DPP10: variants seen among roughly 807,000 people sequenced by gnomAD.
The protein encoded by DPP10 is dipeptidyl peptidase like 10.
DPP10 carries 33 observed loss-of-function variants against 120.9 expected under a neutral mutation model. The ratio of observed to expected loss-of-function variants is 0.27; its 90% CI spans 0.21 to 0.37. The LOEUF (loss-of-function observed/expected upper bound fraction) is 0.37, where lower values mean the gene tolerates loss of function less well. Ranked by LOEUF, DPP10 falls within the 10% of genes least tolerant of loss-of-function variation. DPP10 has a pLI of 1.00. For missense variants in DPP10, 816 were observed against 942.8 expected (o/e 0.87, Z 1.76); for synonymous variants, 337 against 326.1 (o/e 1.03, Z -0.36).
chr2:115,147,223 A>G (rs1490904480), intron 1 of DPP10, among the ~76,000 whole-genome samples: 2 of 151,628 alleles, frequency 1.3e-5, no homozygotes, highest in Non-Finnish European at 2.9e-5. Context: ...ATAGTATACC[A>G]TAATATACTA....
intron 1 of DPP10, among the ~76,000 whole-genome samples, chr2:115,094,540 A>G (rs4849379): frequency 0.54 from 81,342 of 151,972 alleles, 22,007 homozygotes; most frequent in Non-Finnish European, 0.58. Flanking sequence ...TGCAAATACA[A>G]TAAGAAGATT....
At chr2:115,264,546 A>G (rs765966258) in intron 1 of DPP10, among the ~76,000 whole-genome samples, 40 of 152,200 alleles carry the variant, frequency 2.6e-4, no homozygotes, top group Non-Finnish European at 4.3e-4. Flanking sequence ...GAAGAGGAGC[A>G]TTATAGAGGC....
intron 1 of DPP10, among the ~76,000 whole-genome samples, chr2:114,756,752 G>C (rs1679786686): frequency 6.6e-6 from 1 of 150,852 alleles, no homozygotes; most frequent in South Asian, 2.1e-4. Context: ...ATTCAATATG[G>C]CAAGACCACA....
intron 5 of DPP10, among the ~76,000 whole-genome samples, chr2:115,548,031 A>G (rs892112814): frequency 3.9e-5 from 6 of 152,200 alleles, no homozygotes; most frequent in African/African-American, 1.4e-4. Context: ...TTGATTAGCT[A>G]GAAGAAAACT....
chr2:115,774,540 T>C (rs1681868018), intron 13 of DPP10, among the ~76,000 whole-genome samples: 1 of 152,150 alleles, frequency 6.6e-6, no homozygotes, highest in African/African-American at 2.4e-5. Context: ...CTTTGGGTTA[T>C]GCAGTTCTCA....
At chr2:114,785,785 T>C (rs1411794378) in intron 1 of DPP10, among the ~76,000 whole-genome samples, 1 of 152,194 alleles carries the variant, frequency 6.6e-6, no homozygotes, top group Non-Finnish European at 1.5e-5. Context: ...TTTATTGTAT[T>C]TTATTAATTA....
At chr2:115,005,327 A>G (rs1456566400) in intron 1 of DPP10, among the ~76,000 whole-genome samples, 2 of 152,206 alleles carry the variant, frequency 1.3e-5, no homozygotes, top group African/African-American at 2.4e-5. Flanking sequence ...CCTCCAAAGG[A>G]ACGCAGCTCC....
chr2:114,886,407 G>A (rs527901180), intron 1 of DPP10, among the ~76,000 whole-genome samples: 1 of 152,112 alleles, frequency 6.6e-6, no homozygotes, highest in East Asian at 1.9e-4. Context: ...ATCTCATGTT[G>A]CCATTGAACA....
chr2:115,659,559 G>A (rs1489278736), intron 5 of DPP10, among the ~76,000 whole-genome samples: 2 of 152,120 alleles, frequency 1.3e-5, no homozygotes, highest in Non-Finnish European at 2.9e-5. Flanking sequence ...TTTTGATTTA[G>A]CCACAAATCA....
intron 1 of DPP10, among the ~76,000 whole-genome samples, chr2:114,452,196 G>A (rs1449907283): frequency 6.6e-6 from 1 of 152,070 alleles, no homozygotes; most frequent in Non-Finnish European, 1.5e-5. Flanking sequence ...AGTAATACAT[G>A]AATGGCTTCT....
chr2:115,024,852 T>TATA (rs1349653761), intron 1 of DPP10, among the ~76,000 whole-genome samples: 2 of 148,374 alleles, frequency 1.3e-5, no homozygotes, highest in African/African-American at 4.9e-5. Flanking sequence ...TGTGTATCTA[T>TATA]ATATATATAT....
chr2:115,686,062 A>G (rs2090970994), intron 5 of DPP10, among the ~76,000 whole-genome samples: 1 of 152,066 alleles, frequency 6.6e-6, no homozygotes, highest in Non-Finnish European at 1.5e-5. Flanking sequence ...GCTAAGGTTG[A>G]ACGAGGTGAC....
intron 1 of DPP10, among the ~76,000 whole-genome samples, chr2:115,180,613 CTG>C (rs2054007629): frequency 1.3e-5 from 2 of 152,314 alleles, no homozygotes; most frequent in South Asian, 4.1e-4. Flanking sequence ...ACCAAGCTCT[CTG>C]TTTCACCAGC....
At chr2:114,808,322 TTC>T (rs1684906098) in intron 1 of DPP10, among the ~76,000 whole-genome samples, 1 of 152,226 alleles carries the variant, frequency 6.6e-6, no homozygotes. Context: ...TGAACAATAC[TTC>T]TGTAAACATT....
At chr2:115,465,150 T>A (rs1421221249) in intron 3 of DPP10, among the ~76,000 whole-genome samples, 3 of 152,190 alleles carry the variant, frequency 2.0e-5, no homozygotes, top group Admixed American at 6.5e-5. Context: ...ATATTTTTCC[T>A]ATTACTTATA....
intron 1 of DPP10, among the ~76,000 whole-genome samples, chr2:114,516,617 G>A (rs1684614835): frequency 6.6e-6 from 1 of 152,334 alleles, no homozygotes; most frequent in African/African-American, 2.4e-5. Flanking sequence ...TTTACTTAAT[G>A]TAGTATTGAG....
At chr2:115,655,597 G>A (rs113833270) in intron 5 of DPP10, among the ~76,000 whole-genome samples, 3 of 151,150 alleles carry the variant, frequency 2.0e-5, no homozygotes, top group African/African-American at 7.3e-5. Flanking sequence ...GGATATATAG[G>A]GGCGTGTTAT....
intron 1 of DPP10, among the ~76,000 whole-genome samples, chr2:114,990,101 T>A (rs527537458): frequency 6.6e-6 from 1 of 152,318 alleles, no homozygotes; most frequent in South Asian, 2.1e-4. Context: ...AGCTGAATAA[T>A]CTTGCATTAA....
At chr2:115,703,769 C>T (rs2091987111) in intron 7 of DPP10, among the ~76,000 whole-genome samples, 1 of 152,026 alleles carries the variant, frequency 6.6e-6, no homozygotes, top group Non-Finnish European at 1.5e-5. Context: ...CAAATGGGCA[C>T]TATGGCCTAA....
Sources: allele counts gnomAD v4.1 joint callset (sites outside exome capture counted in the v4.1 genomes callset), GRCh38; gene constraint gnomAD v4.1.1; transcripts MANE v1.5; gene names NCBI Gene and HGNC (gene_info 2026-07-23, HGNC 2026-07-21).